The following FBXL7 variants were observed in gnomAD, a reference collection of about 807,000 sequenced individuals.
FBXL7 encodes the protein F-box and leucine rich repeat protein 7, also known as F-box/LRR-repeat protein 7.
In FBXL7, 12 loss-of-function variants were observed where a neutral mutation model predicts 38.3. The ratio of observed to expected loss-of-function variants is 0.31; its 90% CI spans 0.20 to 0.51. The LOEUF (loss-of-function observed/expected upper bound fraction) is 0.51. Among genes scored for constraint, FBXL7 ranks in the 20% least tolerant of loss-of-function variants. The probability of loss-of-function intolerance (pLI) is 0.98; values close to 1 mark genes in which losing one functional copy is unlikely to be tolerated. For missense variants in FBXL7, 567 were observed against 676.4 expected (o/e 0.84, Z 1.79); for synonymous variants, 297 against 300.9 (o/e 0.99, Z 0.13).
At chr5:15,561,298 T>G (rs1240863879) in intron 1 of FBXL7, among the ~76,000 whole-genome samples, 1 of 152,152 alleles carries the variant, frequency 6.6e-6, no homozygotes, top group Non-Finnish European at 1.5e-5. Flanking sequence ...AGATTCCACA[T>G]GTAAGTGAGA....
intron 2 of FBXL7, among the ~76,000 whole-genome samples, chr5:15,872,928 GA>G (rs201163640): frequency 0.034 from 5,121 of 152,244 alleles, 107 homozygotes; most frequent in Middle Eastern, 0.065. Flanking sequence ...GGACCAAGTG[GA>G]CCTAATAGAC....
At chr5:15,791,761 G>A (rs1214456516) in intron 2 of FBXL7, among the ~76,000 whole-genome samples, 1 of 152,106 alleles carries the variant, frequency 6.6e-6, no homozygotes, top group East Asian at 1.9e-4. Context: ...TAAATACCCT[G>A]ACTTCTCTCT....
At chr5:15,684,665 C>T (rs920707927) in intron 2 of FBXL7, among the ~76,000 whole-genome samples, 4 of 152,152 alleles carry the variant, frequency 2.6e-5, no homozygotes, top group Non-Finnish European at 5.9e-5. Flanking sequence ...GAGTCAGAGT[C>T]AGAATCCAAG....
At chr5:15,708,184 A>G (rs79826336) in intron 2 of FBXL7, among the ~76,000 whole-genome samples, 47 of 152,220 alleles carry the variant, frequency 3.1e-4, no homozygotes, top group African/African-American at 1.1e-3. Flanking sequence ...CTTGATTTTT[A>G]TACAAAAAAC....
At chr5:15,619,513 T>A (rs1394630104) in intron 2 of FBXL7, among the ~76,000 whole-genome samples, 1 of 152,214 alleles carries the variant, frequency 6.6e-6, no homozygotes, top group Non-Finnish European at 1.5e-5. Context: ...GAACTATGTT[T>A]AACCTTTGAT....
chr5:15,859,502 T>G (rs185405), intron 2 of FBXL7, among the ~76,000 whole-genome samples: 139,473 of 152,224 alleles, frequency 0.92, 63,978 homozygotes, highest in African/African-American at 0.96. Flanking sequence ...AAGGAAAGGG[T>G]TTTAATTGAC....
intron 2 of FBXL7, among the ~76,000 whole-genome samples, chr5:15,661,830 C>G (rs558332805): frequency 6.6e-6 from 1 of 152,180 alleles, no homozygotes; most frequent in Non-Finnish European, 1.5e-5. Flanking sequence ...ATTATGCCTC[C>G]ACCTCCATCC....
rs563667336 is a variant in FBXL7, at chr5:15,577,536, T to A, written c.38-38447T>A. On this transcript the variant is annotated intron_variant, in intron 1 of 3. Coordinates refer to ENST00000504595, the MANE Select transcript of FBXL7 (RefSeq NM_012304.5). The stretch of plus-strand genomic sequence containing the variant: ...ACAATCATTTTTAAGTAAATTAAAA[T>A]ATATTCTAGTTGTTTTTGTTCTGAT... Among the ~76,000 whole-genome samples the A allele has an allele frequency of 2.6e-5, 4 of 152,176 alleles. No homozygotes were observed. In the East Asian group the frequency reaches 7.7e-4, roughly 29 times the overall value.
intron 2 of FBXL7, among the ~76,000 whole-genome samples, chr5:15,816,606 A>G (rs1415754284): frequency 6.6e-6 from 1 of 152,228 alleles, no homozygotes; most frequent in Non-Finnish European, 1.5e-5. Context: ...TATACAATTC[A>G]TCCATATAAA....
chr5:15,855,257 T>C (rs1739221872), intron 2 of FBXL7, among the ~76,000 whole-genome samples: 1 of 152,120 alleles, frequency 6.6e-6, no homozygotes, highest in Admixed American at 6.6e-5. Context: ...GTGTAAAATA[T>C]AAAAAAGCTC....
chr5:15,825,455 A>G (rs1015298102), intron 2 of FBXL7, among the ~76,000 whole-genome samples: 6 of 152,168 alleles, frequency 3.9e-5, no homozygotes, highest in African/African-American at 1.4e-4. Context: ...AAAATATCAA[A>G]TAGATCTTAC....
chr5:15,827,556 C>T (rs2126770329), intron 2 of FBXL7, among the ~76,000 whole-genome samples: 1 of 152,202 alleles, frequency 6.6e-6, no homozygotes, highest in South Asian at 2.1e-4. Context: ...TGGTGAGGGC[C>T]TTCTTGATAT....
intron 2 of FBXL7, among the ~76,000 whole-genome samples, chr5:15,810,595 G>A (rs1265002148): frequency 2.0e-5 from 3 of 151,544 alleles, no homozygotes; most frequent in Non-Finnish European, 2.9e-5. Context: ...ATGAAATACA[G>A]ATTTGAACCT....
At chr5:15,921,220 A>C (rs1342763591) in intron 2 of FBXL7, among the ~76,000 whole-genome samples, 7 of 151,954 alleles carry the variant, frequency 4.6e-5, no homozygotes, top group African/African-American at 1.7e-4. Flanking sequence ...ATCTCTACTA[A>C]AAATACAAAG....
intron 1 of FBXL7, among the ~76,000 whole-genome samples, chr5:15,568,125 C>T (rs1005427884): frequency 6.6e-6 from 1 of 152,026 alleles, no homozygotes; most frequent in African/African-American, 2.4e-5. Context: ...AATGGGATTG[C>T]TGGGTCAAAT....
intron 2 of FBXL7, among the ~76,000 whole-genome samples, chr5:15,848,882 A>G (rs1739008798): frequency 6.6e-6 from 1 of 152,174 alleles, no homozygotes; most frequent in African/African-American, 2.4e-5. Context: ...AGGAGCACTG[A>G]ATTTTTGACT....
chr5:15,580,072 A>AG, intron 1 of FBXL7, among the ~76,000 whole-genome samples: 1 of 152,168 alleles, frequency 6.6e-6, no homozygotes, highest in East Asian at 1.9e-4. Flanking sequence ...TAATAATAGG[A>AG]GGTGGGGTCT....
chr5:15,717,885 T>C (rs1744086718), intron 2 of FBXL7, among the ~76,000 whole-genome samples: 1 of 152,124 alleles, frequency 6.6e-6, no homozygotes, highest in Non-Finnish European at 1.5e-5. Flanking sequence ...TAAAATAAAA[T>C]AAAGCAAAAA....
intron 3 of FBXL7, among the ~76,000 whole-genome samples, chr5:15,931,908 C>A (rs868396378): frequency 2.0e-5 from 3 of 152,176 alleles, no homozygotes; most frequent in Non-Finnish European, 2.9e-5. Flanking sequence ...CGGCTCACCC[C>A]CAGTGAGCTA....
Sources: allele counts gnomAD v4.1 joint callset (sites outside exome capture counted in the v4.1 genomes callset), GRCh38; gene constraint gnomAD v4.1.1; transcripts MANE v1.5; gene names NCBI Gene and HGNC (gene_info 2026-07-23, HGNC 2026-07-21).